LRP1: variants seen among roughly 807,000 people sequenced by gnomAD.
LRP1 encodes LDL receptor related protein 1, also known as prolow-density lipoprotein receptor-related protein 1.
LRP1 carries 51 observed loss-of-function variants against 541.5 expected under a neutral mutation model. The ratio of observed to expected loss-of-function variants is 0.09; its 90% CI spans 0.08 to 0.12. The LOEUF (loss-of-function observed/expected upper bound fraction) is 0.12. LRP1 is among the 10% of genes least tolerant of loss of function. LRP1 has a pLI of 1.00. For missense variants in LRP1, 3,878 were observed against 6,376.2 expected, an observed-to-expected ratio of 0.61 and a Z score of 13.34; for synonymous variants, 2,219 against 2,470.8, an observed-to-expected ratio of 0.90 and a Z score of 3.02.
intron 20 of LRP1, among the ~76,000 whole-genome samples, chr12:57,171,597 G>A (rs749268565): frequency 1.3e-5 from 2 of 152,170 alleles, no homozygotes; most frequent in Non-Finnish European, 2.9e-5. Context: ...TTTCCAAGCC[G>A]GAAGGTGCTG....
At chr12:57,203,823 C>G (rs1473480594) in intron 70 of LRP1, 5 of 386,320 alleles carry the variant, frequency 1.3e-5, no homozygotes, top group East Asian at 4.5e-5. Context: ...GGCCCCACCC[C>G]ACAAGTCCCT....
intron 1 of LRP1, among the ~76,000 whole-genome samples, chr12:57,138,124 C>G (rs1325464843): frequency 6.6e-6 from 1 of 152,156 alleles, no homozygotes; most frequent in African/African-American, 2.4e-5. Flanking sequence ...TTCACCATCA[C>G]TCTGTCATCA....
At chr12:57,168,875 G>A (rs2035889839) in intron 19 of LRP1, among the ~76,000 whole-genome samples, 1 of 152,192 alleles carries the variant, frequency 6.6e-6, no homozygotes, top group Non-Finnish European at 1.5e-5. Context: ...GAAATGAAAT[G>A]TTTAATGTTC....
intron 17 of LRP1, 119 bp from the exon 18 acceptor site, chr12:57,166,809 AAG>A: frequency 1.5e-6 from 1 of 687,504 alleles, no homozygotes; most frequent in Non-Finnish European, 2.6e-6. Context: ...TGAATTCTCT[AAG>A]AGAAATGGTT....
rs1439407659 is a variant in LRP1, at chr12:57,158,757, G to T, written c.1798+119G>T. The T allele has an allele frequency of 3.0e-5, 27 of 906,556 alleles. No individual in the cohort carries two copies. The highest frequency in any genetic ancestry group is 4.7e-5 in the Non-Finnish European group (27 of 575,664). The allele number at this position is 906,556 out of a possible 1,614,324, so 56.2% of individuals were successfully genotyped here. On this transcript the variant is annotated intron_variant, in intron 11 of 88. Coordinates refer to ENST00000243077, the MANE Select transcript of LRP1 (RefSeq NM_002332.3). The surrounding 1 kb of genome is among the most constrained non-coding windows in gnomAD (Gnocchi z 5.3). ...GCTGACTGGCTGGCTGCACTGGTTG[G>T]CATGGAGATGAGGGGATAGACAGAT...
chr12:57,196,959 C>T lies in LRP1; in HGVS notation c.8893-23C>T, dbSNP rs763150511. On this transcript the variant is annotated intron_variant, in intron 55 of 88. Coordinates refer to ENST00000243077, the MANE Select transcript of LRP1 (RefSeq NM_002332.3). The stretch of plus-strand genomic sequence containing the variant: ...GGCCCAGACCCTGCCACATGCCCAG[C>T]CCAAGGCTCCCTGTGCCTGCAGTGC... 3.1e-6 allele frequency: 5 copies of T among 1,595,160 alleles called. No individual in the cohort carries two copies. The South Asian group carries it at 4.5e-5, about 14-fold the overall frequency.
intron 46 of LRP1, 71 bp downstream of exon 46, chr12:57,193,375 A>G (rs933509589): frequency 3.8e-6 from 6 of 1,575,114 alleles, no homozygotes; most frequent in Non-Finnish European, 5.2e-6. Context: ...AGGCCCCTGC[A>G]GGATGGAGCA....
chr12:57,159,712 C>A (rs968443039), intron 11 of LRP1, 113 bp from the exon 12 acceptor site: 2 of 1,013,692 alleles, frequency 2.0e-6, no homozygotes, highest in Non-Finnish European at 3.0e-6. Flanking sequence ...AGGGTCCCTG[C>A]ACCCCTCTGT....
intron 41 of LRP1, among the ~76,000 whole-genome samples, chr12:57,186,176 C>G (rs565424427): frequency 6.6e-6 from 1 of 152,200 alleles, no homozygotes; most frequent in South Asian, 2.1e-4. Flanking sequence ...CTCACAAACC[C>G]AGGCTGCAGA....
chr12:57,183,767 A>G lies in LRP1; in HGVS notation c.5795-8A>G. On this transcript the variant is annotated splice_region_variant and splice_polypyrimidine_tract_variant and intron_variant, in intron 35 of 88. Coordinates refer to ENST00000243077, the MANE Select transcript of LRP1 (RefSeq NM_002332.3). The surrounding 1 kb of genome is among the most constrained non-coding windows in gnomAD (Gnocchi z 6.1). ...TGGGCATCCCCATGTCACCTCCTCC[A>G]CCTCCAGAAAATGACACCATCTACT... 6.2e-7 allele frequency: 1 copy of G among 1,613,396 alleles called. No homozygotes were observed. Among genetic ancestry groups the G allele is most frequent in the Non-Finnish European group, 8.5e-7 (1 of 1,179,962 alleles).
At position 57,208,975 on chromosome 12, in the gene LRP1, G is replaced by T. The variant is rs1001260085; in HGVS notation, c.12146-108G>T. The T allele has an allele frequency of 9.3e-6, 10 of 1,074,656 alleles. No individual in the cohort carries two copies. The African/African-American group carries it at 1.4e-4, about 15-fold the overall frequency. The allele number at this position is 1,074,656 out of a possible 1,614,324, so 66.6% of individuals were successfully genotyped here. ...GGCTTTTCCCGAAAGAGGTGACTGT[G>T]AGTGGCGTATGAACAGGGTGGAGCT... On this transcript the variant is annotated intron_variant, in intron 78 of 88. Coordinates refer to ENST00000243077, the MANE Select transcript of LRP1 (RefSeq NM_002332.3).
rs897832013 is a variant in LRP1, at chr12:57,189,727, G to T, written c.7032-1078G>T. ...AGGCCAGAGGCACTGGGGTGGGGGC[G>T]GGGGCAGGTCCTGTTAGGGAACTGG... On this transcript the variant is annotated intron_variant, in intron 42 of 88. Coordinates refer to ENST00000243077, the MANE Select transcript of LRP1 (RefSeq NM_002332.3). The surrounding 1 kb of genome is among the most constrained non-coding windows in gnomAD (Gnocchi z 4.4). Among the ~76,000 whole-genome samples the T allele has an allele frequency of 5.3e-5, 8 of 152,200 alleles. No homozygotes were observed. The highest frequency in any genetic ancestry group is 3.4e-3 in the Middle Eastern group (1 of 294).
chr12:57,157,640 G>A (rs2035646997), intron 10 of LRP1, among the ~76,000 whole-genome samples: 1 of 152,212 alleles, frequency 6.6e-6, no homozygotes, highest in East Asian at 1.9e-4. Context: ...AATAAATAAA[G>A]CAGAGAATAG....
Position 57,210,410 on chromosome 12 carries a change from T to C in LRP1, c.12684T>C (p.Gly4228=), listed in dbSNP as rs35874791. 1,246 of 1,604,520 alleles carry C rather than the reference T, an allele frequency of 7.8e-4. 5 individuals are homozygous for C. The African/African-American group carries it at 0.014, about 18-fold the overall frequency. The change falls in exon 82 of 89, where the codon GGT becomes GGC. Residue 4228 remains glycine, a synonymous_variant. Transcript: ENST00000243077. ...PKCRCQPRYT[G]DKCELDQCWE... is the part of the protein sequence containing the mutation. Reference sequence around the variant, plus strand: ...GCCGCTGCCAACCCCGCTACACGGGTGACAAGTGTGAACTGGACCAGTGCT... The same window carrying C: ...GCCGCTGCCAACCCCGCTACACGGGCGACAAGTGTGAACTGGACCAGTGCT...
At position 57,162,396 on chromosome 12, in the gene LRP1, G is replaced by A. The variant is rs1205737825; in HGVS notation, c.2282G>A (p.Arg761Gln). 5.6e-6 allele frequency: 9 copies of A among 1,614,022 alleles called. No individual in the cohort carries two copies. Among genetic ancestry groups the A allele is most frequent in the Admixed American group, 1.7e-5 (1 of 60,002 alleles). The change falls in exon 14 of 89, where the codon CGG becomes CAG. Residue 761 changes from arginine (R) to glutamine (Q), a missense_variant. Arg to Gln is a conservative substitution (Grantham distance 43, BLOSUM62 1). Transcript: ENST00000243077. This position sits in a 1 kb window ranked among gnomAD's most constrained non-coding sequence, Gnocchi z 5.2. Reference protein sequence around the residue: ...HGNYLFWTEYRSGSVYRLERG... With the variant: ...HGNYLFWTEYQSGSVYRLERG... ...AACTACCTCTTCTGGACTGAGTATC[G>A]GAGTGGCAGTGTCTACCGCTTGGAA...
At position 57,205,754 on chromosome 12, in the gene LRP1, G is replaced by A. The variant is rs1385518269; in HGVS notation, c.11590+77G>A. The A allele has an allele frequency of 6.4e-7, 1 of 1,574,320 alleles. No homozygotes were observed. Among genetic ancestry groups the A allele is most frequent in the Non-Finnish European group, 8.6e-7 (1 of 1,163,764 alleles). On this transcript the variant is annotated intron_variant, in intron 75 of 88. Transcript: ENST00000243077. This position sits in a 1 kb window ranked among gnomAD's most constrained non-coding sequence, Gnocchi z 4.6. ...ATATCAAACGGGGCCGACTTGGAAT[G>A]GAATGTCTTCCTGCGGACATCTTGC...
At position 57,177,789 on chromosome 12, in the gene LRP1, G is replaced by A. The variant is rs2036078703; in HGVS notation, c.4361+198G>A. On this transcript the variant is annotated intron_variant, in intron 26 of 88. Coordinates refer to ENST00000243077, the MANE Select transcript of LRP1 (RefSeq NM_002332.3). This position sits in a 1 kb window ranked among gnomAD's most constrained non-coding sequence, Gnocchi z 6.8. ...CGAGGGGAGGGGGCAGGTAGAGGAG[G>A]CGGAAGCAGGGCCATCAGCTGTGGT... Among the ~76,000 whole-genome samples, 1 of 152,040 alleles carries A rather than the reference G, an allele frequency of 6.6e-6. No individual in the cohort carries two copies. Among genetic ancestry groups the A allele is most frequent in the African/African-American group, 2.4e-5 (1 of 41,392 alleles).
chr12:57,207,151 G>A (rs2136751167), intron 76 of LRP1, among the ~76,000 whole-genome samples: 1 of 151,966 alleles, frequency 6.6e-6, no homozygotes, highest in South Asian at 2.1e-4. Flanking sequence ...GCTGGGGCAG[G>A]AGAATGGCAT....
intron 2 of LRP1, among the ~76,000 whole-genome samples, chr12:57,140,232 GCC>G (rs1180382053): frequency 6.6e-6 from 1 of 152,084 alleles, no homozygotes; most frequent in Non-Finnish European, 1.5e-5. Flanking sequence ...GAGCCACCAT[GCC>G]TGGCCAGACC....
Sources: gnomAD v4.1 joint callset for allele counts (sites outside exome capture counted in the v4.1 genomes callset) on GRCh38, gnomAD v4.1.1 for gene constraint, Gnocchi (gnomAD v3.1) non-coding constraint, MANE v1.5 for transcripts, NCBI Gene and HGNC (gene_info 2026-07-23, HGNC 2026-07-21) for gene names.